Variants in SPOCK3 observed in about 807,000 individuals in gnomAD.
SPOCK3 encodes the protein testican-3.
SPOCK3 carries 30 observed loss-of-function variants against 56.6 expected under a neutral mutation model. That is an observed-to-expected ratio of 0.53 (90% CI 0.40 to 0.72). The LOEUF (loss-of-function observed/expected upper bound fraction) is 0.72, where lower values mean the gene tolerates loss of function less well. SPOCK3 is among the 30% of genes least tolerant of loss of function. SPOCK3 has a pLI of 0.00. For synonymous variants in SPOCK3, 196 were observed against 183.3 expected (o/e 1.07, Z -0.56); for missense variants, 527 against 530.0 (o/e 0.99, Z 0.06).
chr4:166,870,517 C>T (rs914482945), intron 6 of SPOCK3, among the ~76,000 whole-genome samples: 1 of 151,596 alleles, frequency 6.6e-6, no homozygotes, highest in Non-Finnish European at 1.5e-5. Flanking sequence ...ATTCTTAGAA[C>T]ACAAAAGAAT....
At chr4:167,131,452 A>C (rs546900573) in intron 2 of SPOCK3, among the ~76,000 whole-genome samples, 1 of 152,106 alleles carries the variant, frequency 6.6e-6, no homozygotes, top group African/African-American at 2.4e-5. Context: ...CTGGGTGTGA[A>C]ATTAGCTGGC....
At chr4:166,791,646 T>C (rs538170576) in intron 7 of SPOCK3, among the ~76,000 whole-genome samples, 3 of 152,294 alleles carry the variant, frequency 2.0e-5, no homozygotes, top group African/African-American at 7.2e-5. Context: ...TTTTAGAGAA[T>C]TATACTGATA....
At chr4:167,106,861 C>G (rs974041351) in intron 2 of SPOCK3, among the ~76,000 whole-genome samples, 1 of 151,256 alleles carries the variant, frequency 6.6e-6, no homozygotes. Flanking sequence ...TCATTAGTGG[C>G]TACTATGAGC....
chr4:167,132,130 G>A (rs939425667), intron 2 of SPOCK3, among the ~76,000 whole-genome samples: 3 of 152,008 alleles, frequency 2.0e-5, no homozygotes, highest in African/African-American at 4.8e-5. Context: ...AAAAAGTTTT[G>A]TATTTTTCAC....
rs1013349732 is a variant in SPOCK3 at position 167,189,761 on chromosome 4, A to G, written c.189+44224T>C. Among the ~76,000 whole-genome samples, 13 of 145,730 alleles carry G rather than the reference A, an allele frequency of 8.9e-5. 2 individuals are homozygous for G. Among genetic ancestry groups the G allele is most frequent in the African/African-American group, 2.4e-4 (9 of 38,176 alleles). On this transcript the variant is annotated intron_variant, in intron 2 of 10. Coordinates refer to ENST00000357545, the MANE Select transcript of SPOCK3 (RefSeq NM_001040159.2). The stretch of plus-strand genomic sequence containing the variant: ...TTTCATCTCATAATTGAAAGTTTGT[A>G]TCCTTGACCAACATCTCATTTCTTC...
At chr4:166,976,503 T>C (rs1451860427) in intron 4 of SPOCK3, among the ~76,000 whole-genome samples, 4 of 152,142 alleles carry the variant, frequency 2.6e-5, no homozygotes, top group African/African-American at 7.2e-5. Flanking sequence ...ACTTCAACCT[T>C]AGTCCTTGAT....
chr4:167,181,840 T>C (rs956013803), intron 2 of SPOCK3, among the ~76,000 whole-genome samples: 7 of 152,180 alleles, frequency 4.6e-5, no homozygotes, highest in African/African-American at 7.2e-5. Context: ...ATCTGCTATA[T>C]TTTTCTTCAT....
At chr4:166,856,223 A>G (rs984613228) in intron 6 of SPOCK3, among the ~76,000 whole-genome samples, 8 of 151,956 alleles carry the variant, frequency 5.3e-5, no homozygotes, top group African/African-American at 1.9e-4. Context: ...AAGTTGGCCA[A>G]TGGGCACAAA....
intron 2 of SPOCK3, among the ~76,000 whole-genome samples, chr4:167,203,173 T>C (rs1191708505): frequency 6.6e-6 from 1 of 152,006 alleles, no homozygotes; most frequent in African/African-American, 2.4e-5. Context: ...TTACTGATTT[T>C]TTTAGTAAGG....
At chr4:167,037,344 T>C (rs368132770) in intron 3 of SPOCK3, among the ~76,000 whole-genome samples, 49 of 151,914 alleles carry the variant, frequency 3.2e-4, no homozygotes, top group African/African-American at 1.2e-3. Context: ...TAGCCCGGCG[T>C]GGTGGGGTGT....
chr4:167,146,229 G>A (rs1203830673), intron 2 of SPOCK3, among the ~76,000 whole-genome samples: 1 of 152,040 alleles, frequency 6.6e-6, no homozygotes, highest in Non-Finnish European at 1.5e-5. Flanking sequence ...ATTAAATAAT[G>A]GTAAAGGGAT....
At chr4:167,085,626 G>A (rs1483405307) in intron 2 of SPOCK3, among the ~76,000 whole-genome samples, 2 of 152,116 alleles carry the variant, frequency 1.3e-5, no homozygotes, top group African/African-American at 2.4e-5. Flanking sequence ...ATAGCCAAAA[G>A]AGAAGAGAAT....
At chr4:167,016,712 T>C (rs1382688662) in intron 3 of SPOCK3, among the ~76,000 whole-genome samples, 2 of 151,996 alleles carry the variant, frequency 1.3e-5, no homozygotes, top group Admixed American at 1.3e-4. Flanking sequence ...GGCTAATTTT[T>C]TGTATTTTTG....
intron 6 of SPOCK3, among the ~76,000 whole-genome samples, chr4:166,849,623 GCAT>G (rs540282280): frequency 1.1e-4 from 17 of 152,114 alleles, no homozygotes; most frequent in African/African-American, 3.6e-4. Flanking sequence ...AAATTTACCA[GCAT>G]CATCATTTTT....
rs1029292567 is a variant in SPOCK3 at position 167,152,879 on chromosome 4, A to C, written c.189+81106T>G. ...TGAGAAAAAAATTAATTTTTTTCTT[A>C]AGATGAAATGTTTTGTTTGTTTAGC... On this transcript the variant is annotated intron_variant, in intron 2 of 10. Transcript: ENST00000357545. 2.0e-5 allele frequency among the ~76,000 whole-genome samples: 3 copies of C among 152,162 alleles called. No individual in the cohort carries two copies. The East Asian group carries it at 5.8e-4, about 29-fold the overall frequency.
intron 6 of SPOCK3, among the ~76,000 whole-genome samples, chr4:166,850,918 C>A (rs1353568345): frequency 1.3e-5 from 2 of 152,218 alleles, no homozygotes; most frequent in Non-Finnish European, 2.9e-5. Context: ...CCCAGGCTTG[C>A]TTAGGTAAAC....
At chr4:167,200,919 A>C (rs993486593) in intron 2 of SPOCK3, among the ~76,000 whole-genome samples, 3 of 152,044 alleles carry the variant, frequency 2.0e-5, no homozygotes, top group Admixed American at 6.6e-5. Flanking sequence ...CTTCAGCAGA[A>C]GCCACCCACT....
At chr4:166,834,077 G>A (rs1373453339) in intron 6 of SPOCK3, among the ~76,000 whole-genome samples, 2 of 152,142 alleles carry the variant, frequency 1.3e-5, no homozygotes, top group African/African-American at 2.4e-5. Context: ...CCTGCTTTGG[G>A]GAGGAGGGGT....
At chr4:166,967,183 G>T (rs1744829170) in intron 4 of SPOCK3, among the ~76,000 whole-genome samples, 1 of 152,110 alleles carries the variant, frequency 6.6e-6, no homozygotes, top group South Asian at 2.1e-4. Context: ...TTCTAAGCTT[G>T]GAAACCAGGG....
Sources: gnomAD v4.1 joint callset for allele counts (sites outside exome capture counted in the v4.1 genomes callset) on GRCh38, gnomAD v4.1.1 for gene constraint, MANE v1.5 for transcripts, NCBI Gene and HGNC (gene_info 2026-07-23, HGNC 2026-07-21) for gene names.